Variants in PBX1 observed in about 807,000 individuals in gnomAD.
PBX1 encodes pre-B-cell leukemia transcription factor 1.
PBX1 carries 6 observed loss-of-function variants against 53.4 expected under a neutral mutation model. That is an observed-to-expected ratio of 0.11 (90% CI 0.06 to 0.22). The LOEUF (loss-of-function observed/expected upper bound fraction) is 0.22, where lower values mean the gene tolerates loss of function less well. PBX1 is among the 10% of genes least tolerant of loss of function. The pLI is 1.00. For synonymous variants in PBX1, 204 were observed against 212.3 expected (o/e 0.96, Z 0.34); for missense variants, 251 against 551.4 (o/e 0.46, Z 5.46).
chr1:164,569,338 C>T (rs1449170723), intron 2 of PBX1, among the ~76,000 whole-genome samples: 5 of 151,970 alleles, frequency 3.3e-5, no homozygotes, highest in African/African-American at 1.2e-4. Flanking sequence ...CTTAGAGGGT[C>T]GCTGTGAGGT....
intron 4 of PBX1, 75 bp downstream of exon 4, chr1:164,799,964 C>T (rs563104641): frequency 9.5e-6 from 13 of 1,370,676 alleles, no homozygotes; most frequent in Middle Eastern, 2.6e-4. Context: ...GCCGCTGCCC[C>T]CTTCAGGCTC....
intron 2 of PBX1, among the ~76,000 whole-genome samples, chr1:164,573,171 A>C (rs1004692497): frequency 1.8e-4 from 28 of 152,308 alleles, no homozygotes; most frequent in Admixed American, 9.8e-4. Flanking sequence ...ATTTAACCCA[A>C]ATATATCTAA....
chr1:164,694,871 A>G (rs1020978755), intron 2 of PBX1, among the ~76,000 whole-genome samples: 4 of 152,166 alleles, frequency 2.6e-5, no homozygotes, highest in Non-Finnish European at 5.9e-5. Context: ...TCAGGCACTC[A>G]CTATCTTTCA....
intron 2 of PBX1, among the ~76,000 whole-genome samples, chr1:164,739,753 ATGTGTG>A (rs57602745): frequency 0.057 from 8,123 of 143,046 alleles, 233 homozygotes; most frequent in South Asian, 0.11. Flanking sequence ...GTGGTTGTGC[ATGTGTG>A]TGTGTGTGTG....
At chr1:164,796,726 A>T (rs1396715913) in intron 3 of PBX1, among the ~76,000 whole-genome samples, 7 of 152,188 alleles carry the variant, frequency 4.6e-5, no homozygotes, top group Non-Finnish European at 1.0e-4. Context: ...GTAACCTGGG[A>T]GGTCTATTAG....
intron 2 of PBX1, among the ~76,000 whole-genome samples, chr1:164,654,939 C>A (rs60438194): frequency 0.023 from 3,464 of 152,176 alleles, 126 homozygotes; most frequent in African/African-American, 0.08. Context: ...GAGGGGAGCA[C>A]AGCATGTGAT....
chr1:164,661,619 G>A (rs1438750352), intron 2 of PBX1, among the ~76,000 whole-genome samples: 1 of 151,926 alleles, frequency 6.6e-6, no homozygotes, highest in Non-Finnish European at 1.5e-5. Flanking sequence ...TAGAGACGGG[G>A]TTTCACCATG....
chr1:164,773,167 C>T (rs549579022), intron 2 of PBX1: 3 of 152,068 alleles, frequency 2.0e-5, no homozygotes, highest in Admixed American at 6.6e-5. Flanking sequence ...TTAAAGTTCT[C>T]GCAAAGGATC....
intron 2 of PBX1, chr1:164,682,903 A>AC (rs1661872213): frequency 9.6e-6 from 1 of 104,178 alleles, no homozygotes; most frequent in Admixed American, 9.7e-5. Flanking sequence ...AGCAGCTCTT[A>AC]GAGTTGTCAG....
chr1:164,559,974 T>G lies in PBX1; in HGVS notation c.152T>G (p.Met51Arg). The change falls in exon 1 of 9, where the codon ATG becomes AGG. Residue 51 changes from methionine (M) to arginine (R), a missense_variant. This residue lies in a region of PBX1 where 63 missense variants were observed against 78.7 expected (regional missense o/e 0.80). Transcript: ENST00000420696. ...ATTGGAGACATTTTACAGCAAATTA[T>G]GACCATCACAGACCAGAGTTTGGAT... ...QDIGDILQQI[M>R]TITDQSLDEA... The G allele has an allele frequency of 6.5e-7, 1 of 1,529,192 alleles. No homozygotes were observed. Among genetic ancestry groups the G allele is most frequent in the Non-Finnish European group, 8.8e-7 (1 of 1,134,500 alleles). The allele number at this position is 1,529,192 out of a possible 1,614,324, so 94.7% of individuals were successfully genotyped here.
chr1:164,691,989 T>C (rs1249857991), intron 2 of PBX1, among the ~76,000 whole-genome samples: 2 of 152,224 alleles, frequency 1.3e-5, no homozygotes, highest in African/African-American at 4.8e-5. Context: ...GAGATACAAA[T>C]GAATCTTGTG....
In PBX1 at chr1:164,795,067, AACAC is replaced by A. The variant is rs1418843470; in HGVS notation, c.510+2330_510+2333del. 5.4e-3 allele frequency among the ~76,000 whole-genome samples: 829 copies of A among 152,332 alleles called. 8 individuals are homozygous for A. Among genetic ancestry groups the A allele is most frequent in the African/African-American group, 0.019 (781 of 41,580 alleles). The stretch of plus-strand genomic sequence containing the variant: ...TTTAATAGCATGTCACCAATTACAA[AACAC>A]TGCGGCTGACATAACGGCACTTGCT... On this transcript the variant is annotated intron_variant, in intron 3 of 8. Transcript: ENST00000420696.
chr1:164,698,887 T>G lies in PBX1; in HGVS notation c.266-93607T>G, dbSNP rs187590886. On this transcript the variant is annotated intron_variant, in intron 2 of 8. Transcript: ENST00000420696. ...GTACCACAACTGCCTCCATTTTACA[T>G]GTGAGGACAGAGCACAGGGGGGTTT... Among the ~76,000 whole-genome samples, 341 of 152,310 alleles carry G rather than the reference T, an allele frequency of 2.2e-3. 4 individuals are homozygous for G. Among genetic ancestry groups the G allele is most frequent in the African/African-American group, 6.8e-3 (282 of 41,548 alleles).
At chr1:164,687,041 G>A (rs1662145899) in intron 2 of PBX1, among the ~76,000 whole-genome samples, 1 of 152,072 alleles carries the variant, frequency 6.6e-6, no homozygotes, top group African/African-American at 2.4e-5. Flanking sequence ...TGCAAAAGTA[G>A]AACTCAAGCT....
rs527868483 is a variant in PBX1 at position 164,882,933 on chromosome 1, G to A, written n.258-16255G>A. Reference sequence around the variant, plus strand: ...AGTTTCTTCATCTGCAGACAAGAACGTTAACTGTTTTCTCTTCCTCAAGCT... The same window carrying A: ...AGTTTCTTCATCTGCAGACAAGAACATTAACTGTTTTCTCTTCCTCAAGCT... On this transcript the variant is annotated intron_variant and non_coding_transcript_variant, in intron 2 of 2. Coordinates refer to the PBX1 transcript ENST00000558796. Among the ~76,000 whole-genome samples, 17 of 152,286 alleles carry A rather than the reference G, an allele frequency of 1.1e-4. No individual in the cohort carries two copies. In the South Asian group the frequency reaches 1.4e-3, roughly 13 times the overall value.
At chr1:164,579,974 G>A (rs1003061251) in intron 2 of PBX1, among the ~76,000 whole-genome samples, 3 of 152,138 alleles carry the variant, frequency 2.0e-5, no homozygotes, top group Non-Finnish European at 2.9e-5. Flanking sequence ...AGGCTGACTT[G>A]GAGATTTTAC....
At chr1:164,786,726 C>CGT (rs1668212630) in intron 2 of PBX1, among the ~76,000 whole-genome samples, 2 of 144,702 alleles carry the variant, frequency 1.4e-5, no homozygotes, top group African/African-American at 2.8e-5. Context: ...TGTGTGCGCG[C>CGT]GCACACACAC....
intron 2 of PBX1, among the ~76,000 whole-genome samples, chr1:164,663,881 G>A (rs1660658835): frequency 1.3e-5 from 2 of 152,224 alleles, no homozygotes; most frequent in Non-Finnish European, 2.9e-5. Flanking sequence ...CAGAAGCCAA[G>A]TATTAAAGAA....
chr1:164,607,769 A>C (rs2101818036), intron 2 of PBX1, among the ~76,000 whole-genome samples: 1 of 152,324 alleles, frequency 6.6e-6, no homozygotes, highest in South Asian at 2.1e-4. Context: ...GGAGAGGTTA[A>C]GAACAGGATT....
Sources: gnomAD v4.1 joint callset for allele counts (sites outside exome capture counted in the v4.1 genomes callset) on GRCh38, gnomAD v4.1.1 for gene constraint, gnomAD v4.1.1 regional missense constraint, MANE v1.5 for transcripts, NCBI Gene and HGNC (gene_info 2026-07-23, HGNC 2026-07-21) for gene names.